Variants in RAD52 observed in about 807,000 individuals in gnomAD.
RAD52 encodes the protein RAD52 DNA repair protein.
In RAD52, 47 loss-of-function variants were observed where a neutral mutation model predicts 55.5. That is an observed-to-expected ratio of 0.85 (90% CI 0.67 to 1.08). The LOEUF (loss-of-function observed/expected upper bound fraction) is 1.08, where lower values mean the gene tolerates loss of function less well. RAD52 is among the 50% of genes least tolerant of loss of function. The pLI is 0.00. For synonymous variants in RAD52, 184 were observed against 198.9 expected, an observed-to-expected ratio of 0.92 and a Z score of 0.63; for missense variants, 468 against 522.8, an observed-to-expected ratio of 0.90 and a Z score of 1.02.
At chr12:965,894 C>A (rs551853829) in intron 1 of RAD52, among the ~76,000 whole-genome samples, 11 of 152,024 alleles carry the variant, frequency 7.2e-5, no homozygotes, top group Admixed American at 7.2e-4. Flanking sequence ...GCCTGTTGGC[C>A]AGGCTGATCT....
At chr12:929,923 T>G in intron 4 of RAD52, 37 bp from the exon 5 acceptor site, 2 of 1,595,736 alleles carry the variant, frequency 1.3e-6, no homozygotes, top group Non-Finnish European at 1.7e-6. Flanking sequence ...AAGAGGACAC[T>G]GACCGCTGGG....
chr12:979,828 A>G (rs1303035712), intron 1 of RAD52, among the ~76,000 whole-genome samples: 1 of 152,054 alleles, frequency 6.6e-6, no homozygotes, highest in Non-Finnish European at 1.5e-5. Context: ...CAGGCGGATC[A>G]CGAGGTCAGC....
chr12:928,923 GGC>G (rs1434254689), intron 5 of RAD52, among the ~76,000 whole-genome samples: 6 of 152,130 alleles, frequency 3.9e-5, no homozygotes, highest in Non-Finnish European at 5.9e-5. Flanking sequence ...GGAGTTCAGT[GGC>G]GCAATCACAG....
upstream of RAD52, among the ~76,000 whole-genome samples, chr12:953,445 T>A (rs1349044536): frequency 6.6e-6 from 1 of 152,136 alleles, no homozygotes; most frequent in African/African-American, 2.4e-5. Context: ...GGCAAGGAAG[T>A]ATCCTCCCCT....
Position 931,080 on chromosome 12 carries a change from C to G in RAD52, c.186+140G>C, listed in dbSNP as rs796385938. The G allele has an allele frequency of 1.7e-5, 10 of 604,610 alleles. No individual in the cohort carries two copies. In the African/African-American group the frequency reaches 1.9e-4, roughly 12 times the overall value. The allele number at this position is 604,610 out of a possible 1,614,324, so 37.5% of individuals were successfully genotyped here. ...ATGAGAATGAAGTCTGGAACCCATC[C>G]CCTCCCAGGGGCACTGGGAGACCTC... On this transcript the variant is annotated intron_variant, in intron 3 of 11. Coordinates refer to ENST00000358495, the MANE Select transcript of RAD52 (RefSeq NM_134424.4).
chr12:965,771 C>T (rs919735895), intron 1 of RAD52, among the ~76,000 whole-genome samples: 29 of 151,858 alleles, frequency 1.9e-4, no homozygotes, highest in African/African-American at 6.1e-4. Flanking sequence ...CTGCAACCTC[C>T]GCCTTCCAGG....
At chr12:970,391 C>A (rs985997139) in intron 1 of RAD52, among the ~76,000 whole-genome samples, 2 of 149,708 alleles carry the variant, frequency 1.3e-5, no homozygotes, top group African/African-American at 4.9e-5. Context: ...TTTATTATCT[C>A]ATTTTGCTGA....
In RAD52 at chr12:916,363, C is replaced by G. The variant is rs765891551; in HGVS notation, c.846G>C (p.Pro282=). ...GCTCACCCTCACTCTTCTCAGCTGA[C>G]GGCGTGGAGACTCGAACCTGCTGCT... ...MEKQQVRVST[P]SAEKSEAAPP... is the part of the protein sequence containing the mutation. Residue 282 remains proline, a synonymous_variant, in exon 9 of 12, where the codon CCG becomes CCC. Transcript: ENST00000358495. 6.2e-7 allele frequency: 1 copy of G among 1,607,240 alleles called. No homozygotes were observed. Among genetic ancestry groups the G allele is most frequent in the Non-Finnish European group, 8.5e-7 (1 of 1,179,926 alleles).
chr12:959,280 T>C (rs998821175), intron 1 of RAD52, among the ~76,000 whole-genome samples: 5 of 152,214 alleles, frequency 3.3e-5, no homozygotes, highest in African/African-American at 7.2e-5. Context: ...CCAAGGCTGA[T>C]TGCAGTGCCT....
chr12:959,321 C>A (rs1958653005), intron 1 of RAD52, among the ~76,000 whole-genome samples: 1 of 152,280 alleles, frequency 6.6e-6, no homozygotes, highest in Non-Finnish European at 1.5e-5. Flanking sequence ...ATGGTTAAAT[C>A]TATAATTTTA....
intron 1 of RAD52, among the ~76,000 whole-genome samples, chr12:945,512 C>T (rs1025775534): frequency 8.6e-5 from 13 of 151,292 alleles, no homozygotes; most frequent in Admixed American, 7.9e-4. Context: ...CAGCTCACTG[C>T]AACCTCCACC....
intron 1 of RAD52, chr12:975,679 A>G (rs891783575): frequency 2.0e-5 from 3 of 152,214 alleles, no homozygotes; most frequent in Admixed American, 6.5e-5. Context: ...GCTCCCATTT[A>G]TAGCAGAAAT....
chr12:972,693 G>A (rs990512224), intron 1 of RAD52, among the ~76,000 whole-genome samples: 3 of 150,808 alleles, frequency 2.0e-5, no homozygotes, highest in African/African-American at 7.3e-5. Flanking sequence ...GTGAACCCAG[G>A]AGGCCGAGGT....
At chr12:931,806 A>AAGCCTTG (rs1185880918) in intron 2 of RAD52, among the ~76,000 whole-genome samples, 1 of 152,188 alleles carries the variant, frequency 6.6e-6, no homozygotes, top group African/African-American at 2.4e-5. Flanking sequence ...CGGGGGTAGG[A>AAGCCTTG]AGCCTTGCTT....
chr12:916,175 T>C (rs1956359489), intron 9 of RAD52, 169 bp downstream of exon 9: 2 of 1,384,170 alleles, frequency 1.4e-6, no homozygotes, highest in Non-Finnish European at 1.9e-6. Flanking sequence ...ACAGCAGATT[T>C]AAATATCTGA....
intron 1 of RAD52, among the ~76,000 whole-genome samples, chr12:943,363 G>A (rs1958016181): frequency 6.6e-6 from 1 of 152,198 alleles, no homozygotes; most frequent in Non-Finnish European, 1.5e-5. Context: ...GGTTTTTTGA[G>A]ACGAAGTCTT....
rs200396534 is a variant in RAD52, at chr12:912,050, A to ACTT, written c.*1338_*1340dup. 455 of 201,512 alleles carry ACTT rather than the reference A, an allele frequency of 2.3e-3. 6 individuals carry two copies. In the East Asian group the frequency reaches 0.032, roughly 14 times the overall value. The allele number at this position is 201,512 out of a possible 1,614,324, so 12.5% of individuals were successfully genotyped here. On this transcript the variant is annotated 3_prime_UTR_variant, in exon 12 of 12. Transcript: ENST00000358495. ...CAAAAAAAAAGTTGTTAAACTGCAA[A>ACTT]CTTCATTATTTTGGGGGAAGAATTA...
intron 1 of RAD52, among the ~76,000 whole-genome samples, chr12:942,852 T>C (rs1957992701): frequency 6.6e-6 from 1 of 150,652 alleles, no homozygotes; most frequent in African/African-American, 2.4e-5. Context: ...TAAAAGAAAA[T>C]ATAAGAGAAA....
chr12:976,746 T>TA (rs1228689512), intron 1 of RAD52: 1 of 152,156 alleles, frequency 6.6e-6, no homozygotes, highest in Non-Finnish European at 1.5e-5. Flanking sequence ...TACGATAAAA[T>TA]AGAGTTGTTT....
Sources: gnomAD v4.1 joint callset for allele counts (sites outside exome capture counted in the v4.1 genomes callset) on GRCh38, gnomAD v4.1.1 for gene constraint, MANE v1.5 for transcripts, NCBI Gene and HGNC (gene_info 2026-07-23, HGNC 2026-07-21) for gene names.